The following SBF2 variants were observed in gnomAD, a reference collection of about 807,000 sequenced individuals.
The protein encoded by SBF2 is SET binding factor 2.
A neutral mutation model predicts 225.2 loss-of-function variants in SBF2; 112 were observed. The observed-to-expected ratio is 0.50, with a 90% confidence interval of 0.43 to 0.58. The LOEUF is 0.58. SBF2 is among the 20% of genes least tolerant of loss of function. The pLI, the probability that SBF2 is intolerant of heterozygous loss-of-function variation, is 0.00. For synonymous variants in SBF2, 763 were observed against 773.3 expected, an observed-to-expected ratio of 0.99 and a Z score of 0.22; for missense variants, 1,996 against 2,206.2, an observed-to-expected ratio of 0.90 and a Z score of 1.91.
At chr11:9,925,773 T>C (rs563284189) in intron 16 of SBF2, among the ~76,000 whole-genome samples, 21 of 152,348 alleles carry the variant, frequency 1.4e-4, no homozygotes, top group Non-Finnish European at 2.5e-4. Context: ...CCTAAAGTTA[T>C]AGAAAGTGTG....
Position 10,133,040 on chromosome 11 carries a change from G to A in SBF2, c.141+60862C>T, listed in dbSNP as rs1010186392. Among the ~76,000 whole-genome samples, 38 of 146,824 alleles carry A rather than the reference G, an allele frequency of 2.6e-4. 2 individuals are homozygous for A. Among genetic ancestry groups the A allele is most frequent in the East Asian group, 2.3e-4 (1 of 4,380 alleles). ...ACAAACCTTGAGCTAGATACAGAGT[G>A]CCGATTGGTGTATTTACAATCCTTG... On this transcript the variant is annotated intron_variant, in intron 2 of 39. Transcript: ENST00000256190.
chr11:10,067,462 A>C (rs1352462621), intron 2 of SBF2, among the ~76,000 whole-genome samples: 1 of 152,230 alleles, frequency 6.6e-6, no homozygotes, highest in African/African-American at 2.4e-5. Context: ...TAGAATGCCA[A>C]AACAACTCTG....
At chr11:9,989,250 G>A (rs1481021018) in intron 13 of SBF2, among the ~76,000 whole-genome samples, 6 of 151,976 alleles carry the variant, frequency 3.9e-5, no homozygotes, top group East Asian at 3.8e-4. Flanking sequence ...CTATGAGGAC[G>A]CAAAGACATA....
intron 1 of SBF2, among the ~76,000 whole-genome samples, chr11:10,212,699 C>A (rs1167328704): frequency 6.6e-6 from 1 of 152,200 alleles, no homozygotes; most frequent in Non-Finnish European, 1.5e-5. Flanking sequence ...GTTCTAGGAA[C>A]CCCTTAATCA....
chr11:10,213,003 C>G (rs1219337784), intron 1 of SBF2, among the ~76,000 whole-genome samples: 1 of 151,774 alleles, frequency 6.6e-6, no homozygotes, highest in African/African-American at 2.4e-5. Flanking sequence ...GAGCTAAGAT[C>G]TCACCACTGC....
intron 28 of SBF2, among the ~76,000 whole-genome samples, chr11:9,820,305 G>A (rs1854679821): frequency 1.3e-5 from 2 of 152,158 alleles, no homozygotes; most frequent in Admixed American, 1.3e-4. Context: ...GAAAATGAAG[G>A]GCACTGATGG....
chr11:9,885,413 T>C (rs769964541), intron 17 of SBF2, among the ~76,000 whole-genome samples: 5 of 152,022 alleles, frequency 3.3e-5, no homozygotes, highest in Non-Finnish European at 5.9e-5. Flanking sequence ...CTTAAATCTA[T>C]ATTGTCTAAT....
At chr11:9,989,748 T>G (rs1429085478) in intron 12 of SBF2, among the ~76,000 whole-genome samples, 153 bp from the exon 13 acceptor site, 2 of 152,196 alleles carry the variant, frequency 1.3e-5, no homozygotes, top group Non-Finnish European at 2.9e-5. Flanking sequence ...TCACCTCCAT[T>G]CTGGGGTTAC....
intron 2 of SBF2, among the ~76,000 whole-genome samples, chr11:10,097,720 G>T (rs1952087415): frequency 6.6e-6 from 1 of 152,080 alleles, no homozygotes; most frequent in Non-Finnish European, 1.5e-5. Flanking sequence ...ATAAATAGAT[G>T]CATTGAAAAG....
At chr11:10,069,355 C>T (rs1950767002) in intron 2 of SBF2, among the ~76,000 whole-genome samples, 1 of 144,212 alleles carries the variant, frequency 6.9e-6, no homozygotes, top group African/African-American at 2.5e-5. Flanking sequence ...GTTCCCCACC[C>T]TATTCCAAGT....
chr11:9,828,292 A>G (rs148775380), intron 28 of SBF2: 21 of 1,263,580 alleles, frequency 1.7e-5, no homozygotes, highest in Non-Finnish European at 2.1e-5. Context: ...ACAAAAAGTT[A>G]TCTTCAGGTG....
At chr11:10,152,268 AGGCCGGGAGCGGT>A (rs1314724467) in intron 2 of SBF2, among the ~76,000 whole-genome samples, 1 of 152,142 alleles carries the variant, frequency 6.6e-6, no homozygotes, top group Non-Finnish European at 1.5e-5. Flanking sequence ...CACCCCATAT[AGGCCGGGAGCGGT>A]GGCTCACACC....
At chr11:10,071,939 T>A (rs1950897536) in intron 2 of SBF2, among the ~76,000 whole-genome samples, 1 of 152,170 alleles carries the variant, frequency 6.6e-6, no homozygotes, top group African/African-American at 2.4e-5. Flanking sequence ...CAGAAATTTG[T>A]AGGGAAATCA....
chr11:9,853,470 T>C (rs980256361), intron 20 of SBF2, 70 bp downstream of exon 20: 10 of 1,312,920 alleles, frequency 7.6e-6, no homozygotes, highest in South Asian at 1.2e-5. Context: ...AAGACATGTA[T>C]TGCCAGGTTT....
chr11:9,830,745 C>CAAAAAAAAAAA (rs553674434), intron 27 of SBF2, among the ~76,000 whole-genome samples: 1 of 111,020 alleles, frequency 9.0e-6, no homozygotes, highest in Non-Finnish European at 1.9e-5. Context: ...AGCTCAAAAA[C>CAAAAAAAAAAA]AAAAAAAAAA....
Position 10,226,437 on chromosome 11 carries a change from G to A in SBF2, c.56-32450C>T, listed in dbSNP as rs908329419. Among the ~76,000 whole-genome samples the A allele has an allele frequency of 4.0e-5, 6 of 151,700 alleles. No individual in the cohort carries two copies. In the South Asian group the frequency reaches 8.3e-4, roughly 21 times the overall value. Reference sequence around the variant, plus strand: ...GCTGGTGTGCTGCACCCATCAACTCGTCATTTAGCATTAGGTGTATCTCCT... The same window carrying A: ...GCTGGTGTGCTGCACCCATCAACTCATCATTTAGCATTAGGTGTATCTCCT... On this transcript the variant is annotated intron_variant, in intron 1 of 39. Coordinates refer to ENST00000256190, the MANE Select transcript of SBF2 (RefSeq NM_030962.4).
At chr11:10,212,509 T>TGCTG (rs368347573) in intron 1 of SBF2, among the ~76,000 whole-genome samples, 129 of 152,356 alleles carry the variant, frequency 8.5e-4, no homozygotes, top group Non-Finnish European at 1.5e-3. Context: ...AAGGAAGATA[T>TGCTG]GCTGCCTCTT....
In SBF2 at chr11:9,928,553, G is replaced by C. The variant is rs575234746; in HGVS notation, c.1861-32542C>G. Among the ~76,000 whole-genome samples, 13 of 152,278 alleles carry C rather than the reference G, an allele frequency of 8.5e-5. No homozygotes were observed. The South Asian group carries it at 2.7e-3, about 32-fold the overall frequency. On this transcript the variant is annotated intron_variant, in intron 16 of 39. Coordinates refer to ENST00000256190, the MANE Select transcript of SBF2 (RefSeq NM_030962.4). ...ACACAGCTTGGACATTTCTTAAAAA[G>C]TTAAAAGTACACATACTATAGGGTC... is the stretch of plus-strand genomic sequence containing the variant.
At chr11:9,946,693 G>A (rs1590567848) in intron 16 of SBF2, among the ~76,000 whole-genome samples, 2 of 152,064 alleles carry the variant, frequency 1.3e-5, no homozygotes, top group South Asian at 4.2e-4. Flanking sequence ...CAGGTAATCC[G>A]CCCGCCTCGG....
Sources: allele counts gnomAD v4.1 joint callset (sites outside exome capture counted in the v4.1 genomes callset), GRCh38; gene constraint gnomAD v4.1.1; transcripts MANE v1.5; gene names NCBI Gene and HGNC (gene_info 2026-07-23, HGNC 2026-07-21).